RORA: variants seen among roughly 807,000 people sequenced by gnomAD.
RORA encodes RAR related orphan receptor A.
Under a neutral mutation model 69.5 loss-of-function variants are expected in RORA, and 7 were observed. That is an observed-to-expected ratio of 0.10 (90% CI 0.06 to 0.19). The LOEUF (loss-of-function observed/expected upper bound fraction) is 0.19, where lower values mean the gene tolerates loss of function less well. Among genes scored for constraint, RORA ranks in the 10% least tolerant of loss-of-function variants. The pLI is 1.00. For synonymous variants in RORA, 261 were observed against 240.8 expected, an observed-to-expected ratio of 1.08 and a Z score of -0.78; for missense variants, 457 against 663.0, an observed-to-expected ratio of 0.69 and a Z score of 3.41.
chr15:60,873,440 T>C (rs1357092559), intron 1 of RORA, among the ~76,000 whole-genome samples: 1 of 152,142 alleles, frequency 6.6e-6, no homozygotes, highest in Non-Finnish European at 1.5e-5. Flanking sequence ...CCAGGAAAAC[T>C]TGGGATTACA....
chr15:60,958,270 C>T (rs141925855), intron 1 of RORA, among the ~76,000 whole-genome samples: 8 of 152,146 alleles, frequency 5.3e-5, no homozygotes, highest in Non-Finnish European at 1.0e-4. Context: ...TGAGCCTTTG[C>T]GTGCATGGAG....
intron 2 of RORA, among the ~76,000 whole-genome samples, chr15:60,651,320 C>T (rs1341162500): frequency 6.6e-6 from 1 of 152,132 alleles, no homozygotes; most frequent in Non-Finnish European, 1.5e-5. Flanking sequence ...TGTATCAAAT[C>T]TCATATAAAT....
In RORA at chr15:60,859,586, C is replaced by T. The variant is rs539221272; in HGVS notation, c.167-180900G>A. ...TCGTGGGACTGCCCAAGAGATTGTC[C>T]CATCTCAGCCTGGTGAGACTATAGC... On this transcript the variant is annotated intron_variant, in intron 1 of 10. Coordinates refer to ENST00000335670, the MANE Select transcript of RORA (RefSeq NM_134261.3). 4.1e-4 allele frequency among the ~76,000 whole-genome samples: 62 copies of T among 151,186 alleles called. 1 individual carries two copies. In the South Asian group the frequency reaches 0.012, roughly 30 times the overall value.
chr15:60,912,253 A>C (rs1326246712), intron 1 of RORA, among the ~76,000 whole-genome samples: 1 of 152,002 alleles, frequency 6.6e-6, no homozygotes, highest in Non-Finnish European at 1.5e-5. Context: ...TCTACAAAAA[A>C]AGAAAGAAAG....
rs572583585 is a variant in RORA at position 61,061,210 on chromosome 15, G to A, written c.166+167843C>T. 1.1e-4 allele frequency among the ~76,000 whole-genome samples: 17 copies of A among 152,162 alleles called. 1 individual carries two copies. The South Asian group carries it at 1.9e-3, about 17-fold the overall frequency. ...CTACTAAAACCACAAAACATTAGCC[G>A]GGCATGGTGGCGGGCGCCTGTGGTC... is the stretch of plus-strand genomic sequence containing the variant. On this transcript the variant is annotated intron_variant, in intron 1 of 10. Transcript: ENST00000335670. This position sits in a 1 kb window ranked among gnomAD's most constrained non-coding sequence, Gnocchi z 4.4.
intron 1 of RORA, among the ~76,000 whole-genome samples, chr15:61,035,036 CAGAAAT>C (rs1566954629): frequency 6.6e-6 from 1 of 152,116 alleles, no homozygotes; most frequent in Non-Finnish European, 1.5e-5. Flanking sequence ...TGTACACAAA[CAGAAAT>C]AGATATAAAC....
intron 1 of RORA, among the ~76,000 whole-genome samples, chr15:60,708,924 C>A (rs548652162): frequency 6.6e-6 from 1 of 152,240 alleles, no homozygotes; most frequent in East Asian, 1.9e-4. Context: ...TTATTATGAA[C>A]CTCAAATACC....
intron 1 of RORA, among the ~76,000 whole-genome samples, chr15:61,046,395 G>A (rs1004690404): frequency 1.2e-4 from 19 of 152,244 alleles, no homozygotes; most frequent in African/African-American, 4.6e-4. Flanking sequence ...GAGAGGTGGT[G>A]GGGAGACAGC....
chr15:60,865,378 C>T (rs146785280), intron 1 of RORA, among the ~76,000 whole-genome samples: 1 of 152,296 alleles, frequency 6.6e-6, no homozygotes, highest in East Asian at 1.9e-4. Context: ...AAGCATATAG[C>T]CCTGGGCTTA....
chr15:60,837,114 C>T (rs1016030364), intron 1 of RORA, among the ~76,000 whole-genome samples: 4 of 151,690 alleles, frequency 2.6e-5, no homozygotes, highest in South Asian at 2.1e-4. Flanking sequence ...TCAAGAGATC[C>T]TCCCACCTCA....
At chr15:60,642,288 G>C (rs564801900) in intron 2 of RORA, among the ~76,000 whole-genome samples, 1 of 152,276 alleles carries the variant, frequency 6.6e-6, no homozygotes, top group South Asian at 2.1e-4. Flanking sequence ...GGGGATGGTA[G>C]AGACCTGATA....
intron 1 of RORA, among the ~76,000 whole-genome samples, chr15:61,090,646 G>A (rs760599011): frequency 2.6e-5 from 4 of 152,170 alleles, no homozygotes; most frequent in African/African-American, 7.2e-5. Context: ...CTAGCCCAGG[G>A]AGATGACAGC....
At chr15:61,025,139 T>C (rs554032732) in intron 1 of RORA, among the ~76,000 whole-genome samples, 11 of 152,250 alleles carry the variant, frequency 7.2e-5, no homozygotes, top group South Asian at 2.1e-4. Context: ...CCCCTTCATG[T>C]ATAAAATGAT....
At chr15:60,571,538 A>T (rs185055458) in intron 2 of RORA, among the ~76,000 whole-genome samples, 1 of 152,336 alleles carries the variant, frequency 6.6e-6, no homozygotes, top group East Asian at 1.9e-4. Context: ...ACTTTTTGGT[A>T]TCATAATATT....
intron 1 of RORA, among the ~76,000 whole-genome samples, chr15:60,880,484 C>G: frequency 6.6e-6 from 1 of 152,096 alleles, no homozygotes. Context: ...ACTAAAAATA[C>G]AAAAATTAGC....
At chr15:60,576,865 AG>A (rs2068040636) in intron 2 of RORA, among the ~76,000 whole-genome samples, 1 of 152,248 alleles carries the variant, frequency 6.6e-6, no homozygotes. Flanking sequence ...GAGCTGGGAT[AG>A]CTCTGGAAGT....
intron 1 of RORA, among the ~76,000 whole-genome samples, chr15:61,135,630 G>A (rs1034214576): frequency 2.0e-5 from 3 of 149,688 alleles, no homozygotes; most frequent in Non-Finnish European, 3.0e-5. Context: ...AAAACCATGC[G>A]GCTACAAGAT....
intron 2 of RORA, among the ~76,000 whole-genome samples, chr15:60,599,761 G>A (rs1252509077): frequency 6.6e-6 from 1 of 152,174 alleles, no homozygotes; most frequent in African/African-American, 2.4e-5. Context: ...CACTTTCAGA[G>A]AATGATTTTT....
chr15:60,743,848 T>C (rs1250047924), intron 1 of RORA, among the ~76,000 whole-genome samples: 1 of 152,224 alleles, frequency 6.6e-6, no homozygotes, highest in Non-Finnish European at 1.5e-5. Flanking sequence ...CCTCTTGTCT[T>C]CTAGGGAGAA....
Sources: allele counts gnomAD v4.1 joint callset (sites outside exome capture counted in the v4.1 genomes callset), GRCh38; gene constraint gnomAD v4.1.1; non-coding constraint Gnocchi (gnomAD v3.1); transcripts MANE v1.5; gene names NCBI Gene and HGNC (gene_info 2026-07-23, HGNC 2026-07-21).